HIBCH: variants seen among roughly 807,000 people sequenced by gnomAD.
HIBCH encodes the protein 3-hydroxyisobutyryl-CoA hydrolase.
In HIBCH, 50 loss-of-function variants were observed where a neutral mutation model predicts 58.2. The observed-to-expected ratio is 0.86, with a 90% confidence interval of 0.68 to 1.09. HIBCH has a LOEUF of 1.09. Among genes scored for constraint, HIBCH ranks in the 50% least tolerant of loss-of-function variants. The pLI, the probability that HIBCH is intolerant of heterozygous loss-of-function variation, is 0.00. For missense variants in HIBCH, 450 were observed against 449.7 expected (o/e 1.00, Z -0.01); for synonymous variants, 151 against 146.9 (o/e 1.03, Z -0.20).
intron 6 of HIBCH, among the ~76,000 whole-genome samples, chr2:190,262,210 T>C (rs1296998240): frequency 1.4e-5 from 2 of 138,588 alleles, no homozygotes; most frequent in Non-Finnish European, 1.6e-5. Flanking sequence ...ACCCTGAGAA[T>C]GCTGCAGTCT....
intron 13 of HIBCH, among the ~76,000 whole-genome samples, chr2:190,205,937 G>A (rs1159650331): frequency 2.0e-5 from 3 of 152,148 alleles, no homozygotes; most frequent in African/African-American, 4.8e-5. Flanking sequence ...GAGACTGGGT[G>A]GAAGGTATGC....
chr2:190,208,608 C>A (rs1690448333), intron 13 of HIBCH: 1 of 491,768 alleles, frequency 2.0e-6, no homozygotes, highest in Non-Finnish European at 3.6e-6. Context: ...ACTACTAAAA[C>A]AACTATAGGT....
chr2:190,230,038 C>T (rs1466878570), intron 11 of HIBCH, among the ~76,000 whole-genome samples: 1 of 152,084 alleles, frequency 6.6e-6, no homozygotes, highest in Non-Finnish European at 1.5e-5. Flanking sequence ...TTCTGAATAC[C>T]TTCTGCACAT....
chr2:190,198,738 C>T (rs1690100190), intron 1 of HIBCH, among the ~76,000 whole-genome samples: 1 of 149,172 alleles, frequency 6.7e-6, no homozygotes, highest in African/African-American at 2.5e-5. Flanking sequence ...GACCATTAAT[C>T]TCATTCATAG....
At chr2:190,318,602 T>C (rs1018401300) in intron 1 of HIBCH, among the ~76,000 whole-genome samples, 8 of 152,072 alleles carry the variant, frequency 5.3e-5, no homozygotes, top group African/African-American at 1.7e-4. Context: ...TCTTGGAACG[T>C]GGGGTGGAAG....
At chr2:190,241,464 C>T (rs889924251) in intron 11 of HIBCH, among the ~76,000 whole-genome samples, 1 of 152,192 alleles carries the variant, frequency 6.6e-6, no homozygotes, top group African/African-American at 2.4e-5. Context: ...AGCCCATTTA[C>T]ATTTAAGGTT....
chr2:190,316,014 T>C (rs1394823671), intron 1 of HIBCH, among the ~76,000 whole-genome samples: 1 of 152,212 alleles, frequency 6.6e-6, no homozygotes, highest in East Asian at 1.9e-4. Context: ...GCATGTACAA[T>C]CACTGAGACA....
chr2:190,273,832 CTCT>C lies in HIBCH; in HGVS notation c.439-12601_439-12599del, dbSNP rs1203513885. On this transcript the variant is annotated intron_variant, in intron 6 of 13. Transcript: ENST00000359678. ...CTCTTCTTTCATAAACTCTCAGGTT[CTCT>C]TTTTTTTCCTGCGGCAGGGTCTCAG... 1.4e-4 allele frequency among the ~76,000 whole-genome samples: 21 copies of C among 152,220 alleles called. 1 individual carries two copies. The highest frequency in any genetic ancestry group is 4.1e-4 in the South Asian group (2 of 4,820).
chr2:190,295,206 A>G (rs1688072555), intron 3 of HIBCH, among the ~76,000 whole-genome samples: 1 of 152,186 alleles, frequency 6.6e-6, no homozygotes, highest in South Asian at 2.1e-4. Flanking sequence ...CGAAATGAAA[A>G]ATTAGTTACC....
rs369356418 is a variant in HIBCH at position 190,225,853 on chromosome 2, T to C, written c.892-12778A>G. On this transcript the variant is annotated intron_variant, in intron 11 of 13. Coordinates refer to ENST00000359678, the MANE Select transcript of HIBCH (RefSeq NM_014362.4). ...TTTAGACCAATATCCCTGATGAACA[T>C]TGATGCAAAAATCCTCAATAAAATA... 2.7e-3 allele frequency among the ~76,000 whole-genome samples: 414 copies of C among 152,300 alleles called. 1 individual carries two copies. Among genetic ancestry groups the C allele is most frequent in the Middle Eastern group, 6.8e-3 (2 of 294 alleles).
chr2:190,307,745 G>A (rs1489647152), intron 2 of HIBCH, among the ~76,000 whole-genome samples: 4 of 152,200 alleles, frequency 2.6e-5, no homozygotes, highest in African/African-American at 4.8e-5. Context: ...TATTTTCATA[G>A]TAAGAATATG....
At chr2:190,190,338 A>G (rs570214057) in intron 1 of HIBCH, among the ~76,000 whole-genome samples, 15 of 152,148 alleles carry the variant, frequency 9.9e-5, no homozygotes, top group Non-Finnish European at 1.9e-4. Context: ...ATCTGGCTCA[A>G]CATGTCTGAG....
At chr2:190,308,823 A>G (rs1455839167) in intron 2 of HIBCH, among the ~76,000 whole-genome samples, 1 of 152,256 alleles carries the variant, frequency 6.6e-6, no homozygotes, top group Non-Finnish European at 1.5e-5. Flanking sequence ...TAGGCTTAAC[A>G]GAGGCACAGT....
At chr2:190,195,941 C>CTTTTTTTTTTTTTTTTTTTTTTTT (rs35679833) in intron 1 of HIBCH, among the ~76,000 whole-genome samples, 2 of 86,210 alleles carry the variant, frequency 2.3e-5, no homozygotes, top group Non-Finnish European at 4.6e-5. Flanking sequence ...CTGTGTCCAG[C>CTTTTTTTTTTTTTTTTTTTTTTTT]TTTTTTTTTT....
intron 11 of HIBCH, among the ~76,000 whole-genome samples, chr2:190,218,299 C>G (rs1685618235): frequency 6.6e-6 from 1 of 152,094 alleles, no homozygotes; most frequent in Non-Finnish European, 1.5e-5. Flanking sequence ...TGAAAACCAA[C>G]CGTTAAAAAA....
chr2:190,198,631 C>CAAAAAAAAAAAAAAAAAAAAA, intron 1 of HIBCH, among the ~76,000 whole-genome samples: 1 of 70,592 alleles, frequency 1.4e-5, no homozygotes, highest in Non-Finnish European at 2.6e-5. Flanking sequence ...GACCCTGTCT[C>CAAAAAAAAAAAAAAAAAAAAA]AAAAAAAAAA....
At chr2:190,263,417 C>T (rs1275012816) in intron 6 of HIBCH, among the ~76,000 whole-genome samples, 1 of 152,100 alleles carries the variant, frequency 6.6e-6, no homozygotes, top group Admixed American at 6.6e-5. Context: ...TAAAATCTAA[C>T]TCATTAGTTA....
At chr2:190,223,003 C>T (rs1199775144) in intron 11 of HIBCH, among the ~76,000 whole-genome samples, 1 of 152,188 alleles carries the variant, frequency 6.6e-6, no homozygotes, top group Non-Finnish European at 1.5e-5. Flanking sequence ...CCATCATTCT[C>T]AGCAAACTAT....
intron 2 of HIBCH, among the ~76,000 whole-genome samples, chr2:190,299,060 A>C (rs1284158480): frequency 6.6e-6 from 1 of 152,118 alleles, no homozygotes; most frequent in African/African-American, 2.4e-5. Context: ...ACCATTCTTA[A>C]CACATTCCTT....
Sources: allele counts gnomAD v4.1 joint callset (sites outside exome capture counted in the v4.1 genomes callset), GRCh38; gene constraint gnomAD v4.1.1; transcripts MANE v1.5; gene names NCBI Gene and HGNC (gene_info 2026-07-23, HGNC 2026-07-21).